The following ASCC3 variants were observed in gnomAD, a reference collection of about 807,000 sequenced individuals.
ASCC3 encodes ASC-1 complex subunit P200.
ASCC3 carries 158 observed loss-of-function variants against 256.3 expected under a neutral mutation model. The observed-to-expected ratio is 0.62, with a 90% CI of 0.54 to 0.70. The LOEUF is 0.70. Among genes scored for constraint, ASCC3 ranks in the 30% least tolerant of loss-of-function variants. The probability of loss-of-function intolerance (pLI) is 0.00; values close to 1 mark genes in which losing one functional copy is unlikely to be tolerated. For synonymous variants in ASCC3, 948 were observed against 883.4 expected, an observed-to-expected ratio of 1.07 and a Z score of -1.30; for missense variants, 2,259 against 2,626.0, an observed-to-expected ratio of 0.86 and a Z score of 3.05.
intron 10 of ASCC3, among the ~76,000 whole-genome samples, chr6:100,743,527 T>A (rs1183799600): frequency 6.6e-6 from 1 of 151,986 alleles, no homozygotes; most frequent in Non-Finnish European, 1.5e-5. Flanking sequence ...CTCCCTTATC[T>A]CCCATAAGGC....
At chr6:100,868,219 A>G (rs1401335264) in intron 1 of ASCC3, among the ~76,000 whole-genome samples, 181 bp from the exon 2 acceptor site, 1 of 152,214 alleles carries the variant, frequency 6.6e-6, no homozygotes, top group Non-Finnish European at 1.5e-5. Flanking sequence ...TTTAAAAAGC[A>G]TTAGCTATGG....
At position 100,646,566 on chromosome 6, in the gene ASCC3, A is replaced by G. The variant is rs866107360; in HGVS notation, c.3633+49T>C. 40 of 1,581,716 alleles carry G rather than the reference A, an allele frequency of 2.5e-5. No homozygotes were observed. The Middle Eastern group carries it at 5.3e-3, about 211-fold the overall frequency. On this transcript the variant is annotated intron_variant, in intron 22 of 41. Coordinates refer to ENST00000369162, the MANE Select transcript of ASCC3 (RefSeq NM_006828.4). ...TAGGAACAGATGTAGTTGAGTCTGT[A>G]GTACAGATATTTTTGTTTAACACAG... is the stretch of plus-strand genomic sequence containing the variant.
intron 13 of ASCC3, among the ~76,000 whole-genome samples, chr6:100,682,644 C>CAGCACCAGGAAT (rs1229163741): frequency 6.6e-6 from 1 of 152,198 alleles, no homozygotes; most frequent in Non-Finnish European, 1.5e-5. Context: ...GTGCTTAGTA[C>CAGCACCAGGAAT]AGCACCAGGA....
intron 2 of ASCC3, among the ~76,000 whole-genome samples, chr6:100,864,667 G>T (rs1773397487): frequency 6.6e-6 from 1 of 152,082 alleles, no homozygotes; most frequent in African/African-American, 2.4e-5. Context: ...CCCATGACAG[G>T]TTCAAATATA....
intron 24 of ASCC3, among the ~76,000 whole-genome samples, chr6:100,639,518 C>G (rs1005234175): frequency 3.3e-5 from 5 of 152,040 alleles, no homozygotes; most frequent in Non-Finnish European, 7.4e-5. Context: ...GTTAGAAAAC[C>G]AGAAGGCCAC....
intron 8 of ASCC3, among the ~76,000 whole-genome samples, chr6:100,771,315 T>C (rs1781907791): frequency 6.6e-6 from 1 of 152,094 alleles, no homozygotes; most frequent in African/African-American, 2.4e-5. Flanking sequence ...AGCCTGACAG[T>C]ATAAAACATG....
intron 3 of ASCC3, among the ~76,000 whole-genome samples, chr6:100,863,590 C>T (rs1251390081): frequency 6.6e-6 from 1 of 152,046 alleles, no homozygotes; most frequent in African/African-American, 2.4e-5. Flanking sequence ...ACTCTCTATC[C>T]GAAGCTCGCT....
chr6:100,615,571 A>G (rs542804198), intron 30 of ASCC3, among the ~76,000 whole-genome samples: 2 of 152,344 alleles, frequency 1.3e-5, no homozygotes, highest in Admixed American at 1.3e-4. Context: ...ATGTGATAAT[A>G]TAAACTTTAA....
intron 36 of ASCC3, among the ~76,000 whole-genome samples, chr6:100,573,685 C>G (rs897244010): frequency 6.6e-6 from 1 of 151,916 alleles, no homozygotes; most frequent in Non-Finnish European, 1.5e-5. Flanking sequence ...GACAATTCTA[C>G]GTAGTTATTA....
intron 37 of ASCC3, among the ~76,000 whole-genome samples, chr6:100,532,184 A>G (rs1270394655): frequency 6.6e-6 from 1 of 151,196 alleles, no homozygotes; most frequent in African/African-American, 2.4e-5. Context: ...TTAACTGCTA[A>G]TCACTGTGGT....
chr6:100,656,101 A>G (rs1775902530), intron 16 of ASCC3, among the ~76,000 whole-genome samples: 1 of 151,686 alleles, frequency 6.6e-6, no homozygotes, highest in Non-Finnish European at 1.5e-5. Context: ...AATTCTACAT[A>G]GCATTAAGGA....
intron 36 of ASCC3, among the ~76,000 whole-genome samples, chr6:100,565,874 G>A (rs1261627022): frequency 6.6e-6 from 1 of 152,062 alleles, no homozygotes; most frequent in African/African-American, 2.4e-5. Flanking sequence ...TGCCTCTTAA[G>A]AGCAAAGATT....
rs1388429292 is a variant in ASCC3, at chr6:100,578,168, A to G, written c.5550+11466T>C. On this transcript the variant is annotated intron_variant, in intron 36 of 41. Transcript: ENST00000369162. Reference sequence around the variant, plus strand: ...ATCATTCCACATATAAAGAAAAAGAACATAAAAGGCGAGAATTCAGAGGAT... The same window carrying G: ...ATCATTCCACATATAAAGAAAAAGAGCATAAAAGGCGAGAATTCAGAGGAT... Among the ~76,000 whole-genome samples, 4 of 152,070 alleles carry G rather than the reference A, an allele frequency of 2.6e-5. No individual in the cohort carries two copies. In the East Asian group the frequency reaches 7.7e-4, roughly 29 times the overall value.
intron 36 of ASCC3, among the ~76,000 whole-genome samples, chr6:100,570,597 A>G (rs999770414): frequency 5.3e-5 from 8 of 151,766 alleles, no homozygotes; most frequent in East Asian, 1.9e-4. Context: ...TCTCTCCCCA[A>G]TGTCTACATG....
At chr6:100,813,853 A>G (rs982733641) in intron 4 of ASCC3, among the ~76,000 whole-genome samples, 3 of 151,964 alleles carry the variant, frequency 2.0e-5, no homozygotes, top group African/African-American at 7.2e-5. Context: ...GGCCACAACT[A>G]TGGGGTTTTC....
intron 13 of ASCC3, among the ~76,000 whole-genome samples, chr6:100,693,573 G>C (rs1028401472): frequency 2.0e-5 from 3 of 152,160 alleles, no homozygotes; most frequent in African/African-American, 4.8e-5. Flanking sequence ...TATTCACTTA[G>C]TATAGACAAT....
intron 25 of ASCC3, among the ~76,000 whole-genome samples, chr6:100,636,815 A>G (rs1774869470): frequency 6.6e-6 from 1 of 152,178 alleles, no homozygotes; most frequent in Non-Finnish European, 1.5e-5. Flanking sequence ...CATAACCTAA[A>G]GCCTACTCTA....
chr6:100,653,506 T>G (rs1336035329), intron 17 of ASCC3, among the ~76,000 whole-genome samples: 1 of 151,530 alleles, frequency 6.6e-6, no homozygotes, highest in Non-Finnish European at 1.5e-5. Context: ...GGTATGGTGG[T>G]GCGCGCCTGT....
At position 100,798,799 on chromosome 6, in the gene ASCC3, G is replaced by C; in HGVS notation, c.1309C>G (p.Leu437Val). 6.2e-7 allele frequency: 1 copy of C among 1,612,762 alleles called. No homozygotes were observed. Among genetic ancestry groups the C allele is most frequent in the Non-Finnish European group, 8.5e-7 (1 of 1,179,438 alleles). ...TAGGGAATCCTTACTTCTTCATAAA[G>C]CTTGTTATTCTCTCTTTGGATTCCT... is the stretch of plus-strand genomic sequence containing the variant. ...PEGIQRENNK[L>V]YEEVRIPYSE... Residue 437 changes from leucine (L) to valine (V), a missense_variant, in exon 8 of 42, where the codon CTT (leucine) becomes GTT (valine). Leu to Val is a conservative substitution (Grantham distance 32). This residue lies in a region of ASCC3 where 1,839 missense variants were observed against 2,206.7 expected (regional missense o/e 0.83). Transcript: ENST00000369162.
Sources: allele counts gnomAD v4.1 joint callset (sites outside exome capture counted in the v4.1 genomes callset), GRCh38; gene constraint gnomAD v4.1.1; regional missense constraint gnomAD v4.1.1; transcripts MANE v1.5; gene names NCBI Gene and HGNC (gene_info 2026-07-23, HGNC 2026-07-21).